NEB: variants seen among roughly 807,000 people sequenced by gnomAD.
NEB encodes nebulin.
Under a neutral mutation model 952.2 loss-of-function variants are expected in NEB, and 512 were observed. The observed-to-expected ratio is 0.54, with a 90% CI of 0.50 to 0.58. The LOEUF is 0.58. Ranked by LOEUF, NEB falls within the 20% of genes least tolerant of loss-of-function variation. The pLI is 0.00. For synonymous variants in NEB, 2,900 were observed against 3,149.8 expected (o/e 0.92, Z 2.66); for missense variants, 8,428 against 9,231.1 (o/e 0.91, Z 3.56).
At position 151,610,794 on chromosome 2, in the gene NEB, G is replaced by A; in HGVS notation, c.11878C>T (p.Leu3960=). Residue 3960 remains leucine, a synonymous_variant, in exon 79 of 182, where the codon CTG becomes TTG. Coordinates refer to ENST00000397345, the MANE Select transcript of NEB (RefSeq NM_001164508.2). ...HVMPDTPDIL[L]AKSNSANISQ... ...ATATTGGCAGAATTACTCTTGGCCA[G>A]CAGGATATCTGGGGTGTCTGGCATC... The A allele has an allele frequency of 6.2e-7, 1 of 1,608,908 alleles. No homozygotes were observed. The highest frequency in any genetic ancestry group is 8.5e-7 in the Non-Finnish European group (1 of 1,177,258).
intron 172 of NEB, 41 bp downstream of exon 172, chr2:151,496,900 T>C (rs771316064): frequency 6.7e-7 from 1 of 1,498,524 alleles, no homozygotes; most frequent in Non-Finnish European, 9.1e-7. Flanking sequence ...AAATAGTTTT[T>C]AAAATCAGTA....
At chr2:151,553,176 G>A (rs2095436253) in intron 127 of NEB, among the ~76,000 whole-genome samples, 1 of 152,120 alleles carries the variant, frequency 6.6e-6, no homozygotes, top group South Asian at 2.1e-4. Flanking sequence ...GAAGATGCTG[G>A]TCCCTTCTCC....
intron 126 of NEB, 54 bp from the exon 127 acceptor site, chr2:151,553,556 T>C: frequency 1.6e-6 from 2 of 1,266,534 alleles, no homozygotes; most frequent in Non-Finnish European, 2.3e-6. Flanking sequence ...ATAATAACTT[T>C]AACACTAAAA....
In NEB at chr2:151,653,540, T is replaced by C. The variant is rs536916296; in HGVS notation, c.6915+452A>G. On this transcript the variant is annotated intron_variant, in intron 52 of 181. Coordinates refer to ENST00000397345, the MANE Select transcript of NEB (RefSeq NM_001164508.2). The stretch of plus-strand genomic sequence containing the variant: ...GTCCCAAGGTAATTTATTACAATTA[T>C]ATAAGTGCAAAATGGGCTAAACTGA... 2.0e-5 allele frequency among the ~76,000 whole-genome samples: 3 copies of C among 152,198 alleles called. No individual in the cohort carries two copies. The East Asian group carries it at 5.8e-4, about 29-fold the overall frequency.
At chr2:151,644,423 G>T in intron 56 of NEB, 45 bp downstream of exon 56, 1 of 1,516,708 alleles carries the variant, frequency 6.6e-7, no homozygotes, top group Non-Finnish European at 9.1e-7. Flanking sequence ...GCTTTGAAGT[G>T]ATAAATTGCA....
Position 151,538,241 on chromosome 2 carries a change from G to C in NEB, c.20896C>G (p.Arg6966Gly). The change falls in exon 139 of 182, where the codon CGC becomes GGC. Residue 6966 changes from arginine to glycine, a missense_variant. Around this residue, in one of 11 missense-constraint regions of NEB, gnomAD observed 3,374 missense variants for 3,651.5 expected, o/e 0.92. Transcript: ENST00000397345. ...KRAYWNASDL[R>G]YKETFQKTKG... ...GTCTTTTGAAATGTTTCTTTGTAGC[G>C]TAGCTAGAAAGAGAAAAAACACATG... The C allele has an allele frequency of 6.2e-7, 1 of 1,603,372 alleles. No individual in the cohort carries two copies. Among genetic ancestry groups the C allele is most frequent in the Non-Finnish European group, 8.5e-7 (1 of 1,170,736 alleles).
At chr2:151,531,762 G>A (rs1421547550) in intron 144 of NEB, 30 bp downstream of exon 144, 1 of 1,520,314 alleles carries the variant, frequency 6.6e-7, no homozygotes, top group Non-Finnish European at 9.1e-7. Flanking sequence ...CCCTGAGTTT[G>A]AGAAGGTATT....
At position 151,518,337 on chromosome 2, in the gene NEB, G is replaced by T. The variant is rs754082609; in HGVS notation, c.22781C>A (p.Ala7594Asp). 6.2e-7 allele frequency: 1 copy of T among 1,606,936 alleles called. No homozygotes were observed. The highest frequency in any genetic ancestry group is 1.7e-5 in the Admixed American group (1 of 59,998). The change falls in exon 156 of 182, where the codon GCC becomes GAC. Residue 7594 changes from alanine (A) to aspartate (D), a missense_variant. Ala to Asp is a moderately radical substitution (Grantham distance 126, BLOSUM62 -2). Coordinates refer to ENST00000397345, the MANE Select transcript of NEB (RefSeq NM_001164508.2). ...DNLEQLHLKE[A>D]TELQSIVKYK... Reference sequence around the variant, plus strand: ...ACTTACTATACTCTGTAATTCTGTGGCCTCTTTTAGGTGAAGCTGCTCCAG... The same window carrying T: ...ACTTACTATACTCTGTAATTCTGTGTCCTCTTTTAGGTGAAGCTGCTCCAG...
intron 124 of NEB, 116 bp downstream of exon 124, chr2:151,560,476 C>T (rs983486587): frequency 2.6e-6 from 2 of 773,164 alleles, no homozygotes; most frequent in Non-Finnish European, 4.3e-6. Context: ...GACATGCCCA[C>T]GGGAGTGCTA....
intron 88 of NEB, among the ~76,000 whole-genome samples, chr2:151,601,551 T>C (rs1382575286): frequency 1.1e-5 from 1 of 93,090 alleles, no homozygotes; most frequent in African/African-American, 4.4e-5. Flanking sequence ...GTGCATGTAC[T>C]ACATAAAATT....
At chr2:151,653,557 C>T (rs971134626) in intron 52 of NEB, among the ~76,000 whole-genome samples, 4 of 152,128 alleles carry the variant, frequency 2.6e-5, no homozygotes, top group Non-Finnish European at 5.9e-5. Flanking sequence ...GCAAAATGGG[C>T]TAAACTGAAA....
At chr2:151,723,752 T>TTTTTTTTTTTTTTTTTTTTTTG (rs2099782163) in intron 8 of NEB, among the ~76,000 whole-genome samples, 1 of 124,158 alleles carries the variant, frequency 8.1e-6, no homozygotes, top group African/African-American at 3.8e-5. Context: ...CCTTCTTTGT[T>TTTTTTTTTTTTTTTTTTTTTTG]TTTTTTTTTT....
At chr2:151,645,314 C>G (rs1193710020) in intron 55 of NEB, among the ~76,000 whole-genome samples, 3 of 152,190 alleles carry the variant, frequency 2.0e-5, no homozygotes, top group Non-Finnish European at 4.4e-5. Context: ...TTCTATGTAG[C>G]TGATGCATTG....
intron 75 of NEB, 49 bp downstream of exon 75, chr2:151,617,315 T>C: frequency 1.6e-6 from 2 of 1,261,040 alleles, no homozygotes; most frequent in Non-Finnish European, 1.1e-6. Flanking sequence ...ACAGCTACAG[T>C]GGTTCATTTT....
chr2:151,614,170 C>A (rs1391388909), intron 77 of NEB, 106 bp downstream of exon 77: 14 of 1,285,976 alleles, frequency 1.1e-5, no homozygotes, highest in Non-Finnish European at 1.3e-5. Flanking sequence ...GAACATTATC[C>A]TAAAGAGGTG....
intron 130 of NEB, among the ~76,000 whole-genome samples, chr2:151,548,710 G>A (rs1172642284): frequency 6.6e-6 from 1 of 152,182 alleles, no homozygotes; most frequent in East Asian, 1.9e-4. Context: ...CCCCAGTGTG[G>A]CTAGAAAATT....
intron 34 of NEB, among the ~76,000 whole-genome samples, chr2:151,676,151 T>C (rs1170745936): frequency 2.6e-5 from 4 of 152,242 alleles, no homozygotes; most frequent in Non-Finnish European, 5.9e-5. Context: ...CTGGTATGCA[T>C]GTACCCAAGA....
intron 137 of NEB, 69 bp downstream of exon 137, chr2:151,540,628 A>C: frequency 1.5e-6 from 2 of 1,361,448 alleles, no homozygotes; most frequent in Non-Finnish European, 2.1e-6. Flanking sequence ...GATCAGAGGT[A>C]GCAGGGGAAG....
At chr2:151,564,824 A>G (rs1463642464) in intron 117 of NEB, among the ~76,000 whole-genome samples, 2 of 152,206 alleles carry the variant, frequency 1.3e-5, no homozygotes, top group African/African-American at 4.8e-5. Context: ...ATTGCCTCCT[A>G]AAGAGCCCGG....
Sources: gnomAD v4.1 joint callset for allele counts (sites outside exome capture counted in the v4.1 genomes callset) on GRCh38, gnomAD v4.1.1 for gene constraint, gnomAD v4.1.1 regional missense constraint, MANE v1.5 for transcripts, NCBI Gene and HGNC (gene_info 2026-07-23, HGNC 2026-07-21) for gene names.